CDH23: variants seen among roughly 807,000 people sequenced by gnomAD.
CDH23 encodes the protein cadherin-23.
Under a neutral mutation model 317.1 loss-of-function variants are expected in CDH23, and 189 were observed. The ratio of observed to expected loss-of-function variants is 0.60; its 90% confidence interval spans 0.53 to 0.67. CDH23 has a LOEUF of 0.67. Ranked by LOEUF, CDH23 falls within the 30% of genes least tolerant of loss-of-function variation. The pLI is 0.00. For missense variants in CDH23, 4,401 were observed against 4,592.4 expected (o/e 0.96, Z 1.20); for synonymous variants, 1,839 against 1,876.8 (o/e 0.98, Z 0.52).
intron 24 of CDH23, among the ~76,000 whole-genome samples, chr10:71,703,416 T>C (rs1865664948): frequency 6.6e-6 from 1 of 152,200 alleles, no homozygotes; most frequent in East Asian, 1.9e-4. Flanking sequence ...CTGCTTAACC[T>C]CTCTGAGTCT....
intron 14 of CDH23, among the ~76,000 whole-genome samples, chr10:71,666,142 C>T (rs1863882383): frequency 6.6e-6 from 1 of 152,108 alleles, no homozygotes; most frequent in African/African-American, 2.4e-5. Flanking sequence ...ATCCTGTCCT[C>T]ACTGCTCTCC....
chr10:71,475,287 C>A (rs1851731854), intron 3 of CDH23, among the ~76,000 whole-genome samples: 2 of 152,222 alleles, frequency 1.3e-5, no homozygotes, highest in Non-Finnish European at 2.9e-5. Flanking sequence ...CTGCTGGGAC[C>A]TCCCAAGTGT....
intron 9 of CDH23, among the ~76,000 whole-genome samples, chr10:71,605,242 CT>C (rs36101075): frequency 9.3e-4 from 137 of 147,792 alleles, no homozygotes; most frequent in East Asian, 4.8e-3. Flanking sequence ...TTGTATTGAC[CT>C]TTTTTTTTTA....
intron 21 of CDH23, 23 bp downstream of exon 21, chr10:71,694,282 C>T: frequency 6.4e-7 from 1 of 1,563,520 alleles, no homozygotes; most frequent in Non-Finnish European, 8.8e-7. Context: ...CCCTCCCGTG[C>T]CCCAGCTCCC....
intron 9 of CDH23, among the ~76,000 whole-genome samples, chr10:71,598,574 G>A (rs1346874044): frequency 6.6e-6 from 1 of 152,218 alleles, no homozygotes; most frequent in Non-Finnish European, 1.5e-5. Flanking sequence ...AACAGCTGAT[G>A]GGGAAGGAGG....
intron 25 of CDH23, among the ~76,000 whole-genome samples, chr10:71,706,258 C>T (rs749486977): frequency 3.9e-5 from 6 of 152,180 alleles, no homozygotes; most frequent in Middle Eastern, 3.2e-3. Flanking sequence ...GGAGTAAACA[C>T]ATCTGTAAGG....
At chr10:71,714,920 G>A (rs1866142164) in intron 28 of CDH23, 1 of 152,266 alleles carries the variant, frequency 6.6e-6, no homozygotes. Context: ...GCGTTGTGAG[G>A]AGAGGTCAAG....
chr10:71,759,962 C>T (rs1840280741), intron 38 of CDH23, among the ~76,000 whole-genome samples: 1 of 116,490 alleles, frequency 8.6e-6, no homozygotes, highest in Non-Finnish European at 1.9e-5. Flanking sequence ...TATACACACA[C>T]ATATATATAC....
intron 44 of CDH23, among the ~76,000 whole-genome samples, chr10:71,786,153 G>T (rs1423968165): frequency 6.6e-6 from 1 of 152,230 alleles, no homozygotes; most frequent in South Asian, 2.1e-4. Context: ...ATGCTCTGAG[G>T]TCCTGGAAGG....
intron 11 of CDH23, among the ~76,000 whole-genome samples, chr10:71,619,632 G>T (rs954667020): frequency 3.9e-5 from 6 of 152,220 alleles, no homozygotes; most frequent in Non-Finnish European, 8.8e-5. Flanking sequence ...ATCAGGAGAG[G>T]TTCTATGGTG....
rs757675676 is a variant in CDH23 at position 71,807,407 on chromosome 10, G to T, written c.8308+1G>T. On this transcript the variant is annotated splice_donor_variant, in intron 58 of 69. Transcript: ENST00000224721. LOFTEE classifies it high-confidence loss of function. Reference sequence around the variant, plus strand: ...GCGATCGTGTACTACTTCATCGCAGGTGGGGCCAGACAGAGCTAGTGCCCT... The same window carrying T: ...GCGATCGTGTACTACTTCATCGCAGTTGGGGCCAGACAGAGCTAGTGCCCT... 1 of 1,613,876 alleles carries T rather than the reference G, an allele frequency of 6.2e-7. No homozygotes were observed. Among genetic ancestry groups the T allele is most frequent in the Non-Finnish European group, 8.5e-7 (1 of 1,179,808 alleles).
intron 1 of CDH23, among the ~76,000 whole-genome samples, chr10:71,438,003 G>A (rs939811368): frequency 6.6e-6 from 1 of 152,242 alleles, no homozygotes; most frequent in Non-Finnish European, 1.5e-5. Context: ...GATAGGATGT[G>A]TAGGGGGAAG....
chr10:71,696,076 T>C (rs1865378699), intron 22 of CDH23, among the ~76,000 whole-genome samples: 1 of 152,202 alleles, frequency 6.6e-6, no homozygotes, highest in African/African-American at 2.4e-5. Context: ...TGTGCAGGAA[T>C]GTGCACAATT....
At chr10:71,475,693 G>A (rs1851758133) in intron 3 of CDH23, among the ~76,000 whole-genome samples, 1 of 152,230 alleles carries the variant, frequency 6.6e-6, no homozygotes, top group African/African-American at 2.4e-5. Context: ...ATGGCAGGCT[G>A]GGAGGCAGGG....
chr10:71,546,396 G>A (rs944508866), intron 6 of CDH23, among the ~76,000 whole-genome samples: 2 of 152,218 alleles, frequency 1.3e-5, no homozygotes, highest in Non-Finnish European at 2.9e-5. Context: ...TGGTGAGCAA[G>A]GCAGTTGTGG....
chr10:71,790,170 A>G (rs963446485), intron 45 of CDH23, 118 bp from the exon 46 acceptor site: 79 of 1,401,468 alleles, frequency 5.6e-5, no homozygotes, highest in Non-Finnish European at 7.0e-5. Flanking sequence ...CACCCTGTCC[A>G]CCTCACCTCC....
chr10:71,469,648 C>G (rs1384142321), intron 3 of CDH23, among the ~76,000 whole-genome samples: 1 of 152,016 alleles, frequency 6.6e-6, no homozygotes, highest in Non-Finnish European at 1.5e-5. Context: ...CTGTGTTGCC[C>G]AGGCTGGAGT....
chr10:71,407,922 G>A (rs1848182569), intron 1 of CDH23, among the ~76,000 whole-genome samples: 1 of 152,160 alleles, frequency 6.6e-6, no homozygotes, highest in African/African-American at 2.4e-5. Flanking sequence ...CCAATCACTT[G>A]ATTCAGTGAG....
intron 34 of CDH23, chr10:71,737,897 T>G: frequency 2.3e-6 from 1 of 439,880 alleles, no homozygotes. Context: ...AGTCAGAAAT[T>G]CACATGCCTT....
Sources: allele counts gnomAD v4.1 joint callset (sites outside exome capture counted in the v4.1 genomes callset), GRCh38; gene constraint gnomAD v4.1.1; transcripts MANE v1.5; gene names NCBI Gene and HGNC (gene_info 2026-07-23, HGNC 2026-07-21).